The following ADAMTSL1 variants were observed in gnomAD, a reference collection of about 807,000 sequenced individuals.
ADAMTSL1 encodes ADAMTS-like protein 1.
Under a neutral mutation model 201.8 loss-of-function variants are expected in ADAMTSL1, and 126 were observed. That is an observed-to-expected ratio of 0.62 (90% CI 0.54 to 0.72). The LOEUF (loss-of-function observed/expected upper bound fraction) is 0.72. ADAMTSL1 is among the 30% of genes least tolerant of loss of function. The pLI, the probability that ADAMTSL1 is intolerant of heterozygous loss-of-function variation, is 0.00. For synonymous variants in ADAMTSL1, 1,121 were observed against 903.4 expected (o/e 1.24, Z -4.32); for missense variants, 2,679 against 2,277.8 (o/e 1.18, Z -3.59).
At chr9:18,611,546 C>G (rs896492838) in intron 4 of ADAMTSL1, among the ~76,000 whole-genome samples, 36 of 152,036 alleles carry the variant, frequency 2.4e-4, no homozygotes, top group African/African-American at 8.5e-4. Context: ...AGAATTTGTC[C>G]AAGACCCTGA....
intron 3 of ADAMTSL1, among the ~76,000 whole-genome samples, chr9:18,552,278 A>G (rs913036920): frequency 5.3e-5 from 8 of 151,952 alleles, no homozygotes; most frequent in Non-Finnish European, 7.4e-5. Context: ...ATAAAAAAAA[A>G]TTTTCATTAT....
chr9:18,819,743 A>G (rs1314204679), intron 21 of ADAMTSL1, among the ~76,000 whole-genome samples: 11 of 152,208 alleles, frequency 7.2e-5, no homozygotes, highest in Non-Finnish European at 1.2e-4. Flanking sequence ...ATCTGTATTA[A>G]TGCTGATTAA....
At chr9:18,011,375 C>T (rs1031724488) in intron 1 of ADAMTSL1, among the ~76,000 whole-genome samples, 1 of 151,980 alleles carries the variant, frequency 6.6e-6, no homozygotes, top group African/African-American at 2.4e-5. Context: ...GTGGGACAGG[C>T]AAACAAATCT....
chr9:18,620,006 A>G (rs969351824), intron 4 of ADAMTSL1, among the ~76,000 whole-genome samples: 8 of 140,996 alleles, frequency 5.7e-5, no homozygotes, highest in Admixed American at 5.3e-4. Context: ...TTAGGTTATC[A>G]GTTTTCTGAT....
chr9:18,648,746 C>A (rs1827991326), intron 7 of ADAMTSL1, among the ~76,000 whole-genome samples: 1 of 151,994 alleles, frequency 6.6e-6, no homozygotes, highest in African/African-American at 2.4e-5. Flanking sequence ...AGAGTTTCTG[C>A]CGAGAGATCC....
At chr9:18,356,575 A>C (rs1294566144) in intron 2 of ADAMTSL1, among the ~76,000 whole-genome samples, 1 of 144,390 alleles carries the variant, frequency 6.9e-6, no homozygotes, top group Non-Finnish European at 1.5e-5. Flanking sequence ...AGCCTAAAAA[A>C]TTTTATGCAG....
At chr9:17,945,670 C>G (rs1310957267) in intron 1 of ADAMTSL1, among the ~76,000 whole-genome samples, 1 of 152,124 alleles carries the variant, frequency 6.6e-6, no homozygotes, top group African/African-American at 2.4e-5. Context: ...TTTGTAGGGA[C>G]ATGGATGAGA....
intron 2 of ADAMTSL1, among the ~76,000 whole-genome samples, chr9:18,237,780 A>T (rs1830906417): frequency 6.6e-6 from 1 of 152,208 alleles, no homozygotes; most frequent in Non-Finnish European, 1.5e-5. Flanking sequence ...TCAGTACTTA[A>T]TTGTACACTG....
At chr9:18,398,727 G>A (rs1394780195) in intron 2 of ADAMTSL1, among the ~76,000 whole-genome samples, 3 of 152,122 alleles carry the variant, frequency 2.0e-5, no homozygotes, top group South Asian at 4.1e-4. Flanking sequence ...GATCTTATAG[G>A]CTGTTTTAAT....
At chr9:18,174,282 C>A (rs959317052) in intron 2 of ADAMTSL1, among the ~76,000 whole-genome samples, 4 of 152,106 alleles carry the variant, frequency 2.6e-5, no homozygotes, top group African/African-American at 9.7e-5. Context: ...AGTTTAAATG[C>A]CTATCCTAAA....
chr9:18,458,626 T>A (rs1475862230), intron 2 of ADAMTSL1, among the ~76,000 whole-genome samples: 13 of 152,152 alleles, frequency 8.5e-5, no homozygotes, highest in Non-Finnish European at 5.9e-5. Flanking sequence ...TTCAGAGCAT[T>A]CTTAGAGGAA....
At chr9:18,864,250 C>G (rs1034820289) in intron 23 of ADAMTSL1, among the ~76,000 whole-genome samples, 1 of 152,162 alleles carries the variant, frequency 6.6e-6, no homozygotes, top group Non-Finnish European at 1.5e-5. Flanking sequence ...TTATCAAGCT[C>G]AGGTGCCTTT....
rs1001754717 is a variant in ADAMTSL1, at chr9:18,107,917, C to T, written c.88-55945C>T. Among the ~76,000 whole-genome samples the T allele has an allele frequency of 2.0e-5, 3 of 152,244 alleles. No homozygotes were observed. In the South Asian group the frequency reaches 6.2e-4, roughly 32 times the overall value. Reference sequence around the variant, plus strand: ...AGCCACCGTGCTGAGCCCTCCAGCACAGTTTCCTGCCGCCAAACCACTGCC... The same window carrying T: ...AGCCACCGTGCTGAGCCCTCCAGCATAGTTTCCTGCCGCCAAACCACTGCC... On this transcript the variant is annotated intron_variant, in intron 1 of 29. Coordinates refer to the ADAMTSL1 transcript ENST00000680146.
chr9:18,252,314 A>T lies in ADAMTSL1; in HGVS notation c.207+88333A>T, dbSNP rs1293908207. Among the ~76,000 whole-genome samples the T allele has an allele frequency of 2.0e-5, 3 of 152,262 alleles. No individual in the cohort carries two copies. The East Asian group carries it at 5.8e-4, about 29-fold the overall frequency. The stretch of plus-strand genomic sequence containing the variant: ...TGAACATGGCCTATAAATGTGCTCA[A>T]CCTCATTTACTGGTTACAGAAGAAA... On this transcript the variant is annotated intron_variant, in intron 2 of 29. Coordinates refer to the ADAMTSL1 transcript ENST00000680146.
At chr9:18,675,680 C>G (rs1475601724) in intron 9 of ADAMTSL1, among the ~76,000 whole-genome samples, 177 bp from the exon 10 acceptor site, 1 of 151,942 alleles carries the variant, frequency 6.6e-6, no homozygotes, top group Non-Finnish European at 1.5e-5. Context: ...AGAACTTGCC[C>G]CATCCTAAAG....
At chr9:18,313,682 G>C (rs1178843918) in intron 2 of ADAMTSL1, among the ~76,000 whole-genome samples, 1 of 152,162 alleles carries the variant, frequency 6.6e-6, no homozygotes, top group Non-Finnish European at 1.5e-5. Context: ...AAATGCAACA[G>C]TCCTGAAACT....
At chr9:18,300,800 C>T (rs1240450379) in intron 2 of ADAMTSL1, among the ~76,000 whole-genome samples, 2 of 152,136 alleles carry the variant, frequency 1.3e-5, no homozygotes, top group East Asian at 3.9e-4. Flanking sequence ...AGCAAACCTA[C>T]AGTACCCAGC....
chr9:18,230,282 G>T (rs1016617490), intron 2 of ADAMTSL1, among the ~76,000 whole-genome samples: 2 of 152,082 alleles, frequency 1.3e-5, no homozygotes, highest in Non-Finnish European at 2.9e-5. Context: ...CTCTCTAACT[G>T]CATGCTTTTC....
chr9:18,288,068 T>G (rs1040104948), intron 2 of ADAMTSL1, among the ~76,000 whole-genome samples: 1 of 148,546 alleles, frequency 6.7e-6, no homozygotes, highest in African/African-American at 2.5e-5. Context: ...CTGTGGGGAG[T>G]GGAGAGAGAG....
Sources: allele counts gnomAD v4.1 joint callset (sites outside exome capture counted in the v4.1 genomes callset), GRCh38; gene constraint gnomAD v4.1.1; transcripts MANE v1.5; gene names NCBI Gene and HGNC (gene_info 2026-07-23, HGNC 2026-07-21).